The following PHF21B variants were observed in gnomAD, a reference collection of about 807,000 sequenced individuals.
PHF21B encodes PHD finger protein 4.
In PHF21B, 22 loss-of-function variants were observed where a neutral mutation model predicts 62.2. The observed-to-expected ratio is 0.35, with a 90% CI of 0.25 to 0.51. PHF21B has a LOEUF of 0.51. PHF21B is among the 20% of genes least tolerant of loss of function. PHF21B has a pLI of 0.97. For synonymous variants in PHF21B, 341 were observed against 314.7 expected, an observed-to-expected ratio of 1.08 and a Z score of -0.88; for missense variants, 701 against 707.9, an observed-to-expected ratio of 0.99 and a Z score of 0.11.
intron 2 of PHF21B, among the ~76,000 whole-genome samples, chr22:44,971,686 T>G (rs2072641391): frequency 6.6e-6 from 1 of 152,118 alleles, no homozygotes; most frequent in African/African-American, 2.4e-5. Flanking sequence ...CCACAAGCCA[T>G]CAAAACACAC....
chr22:44,972,688 C>T (rs2072662666), intron 2 of PHF21B, among the ~76,000 whole-genome samples: 1 of 152,230 alleles, frequency 6.6e-6, no homozygotes, highest in South Asian at 2.1e-4. Context: ...CTCACTCAGT[C>T]AGTCAACAAA....
At chr22:44,905,646 T>G (rs1423057644) in intron 5 of PHF21B, among the ~76,000 whole-genome samples, 3 of 152,172 alleles carry the variant, frequency 2.0e-5, no homozygotes, top group African/African-American at 7.2e-5. Context: ...TTTGTTTTTT[T>G]GATACGGAAT....
chr22:44,918,758 T>C (rs750622665), intron 3 of PHF21B, among the ~76,000 whole-genome samples: 32 of 152,116 alleles, frequency 2.1e-4, no homozygotes, highest in Non-Finnish European at 3.5e-4. Flanking sequence ...GGACAAAACA[T>C]GGAGACAGAG....
In PHF21B at chr22:44,920,463, C is replaced by G. The variant is rs145136857; in HGVS notation, c.148G>C (p.Val50Leu). 1.6e-5 allele frequency: 26 copies of G among 1,612,542 alleles called. No homozygotes were observed. The highest frequency in any genetic ancestry group is 2.2e-5 in the Non-Finnish European group (26 of 1,179,240). The stretch of plus-strand genomic sequence containing the variant: ...AAGGAGCTGACCTGAGGACCCGTGA[C>G]AGGCACTGCAGTGATCGTTCCCAAA... The part of the protein sequence containing the change: ...QALGTITAVP[V>L]TGPQVSSLQR... The change falls in exon 3 of 13, where the codon GTC becomes CTC. Residue 50 changes from valine (V) to leucine (L), a missense_variant. Transcript: ENST00000313237.
At chr22:44,887,137 C>T (rs1462293975) in intron 10 of PHF21B, among the ~76,000 whole-genome samples, 1 of 117,274 alleles carries the variant, frequency 8.5e-6, no homozygotes, top group Admixed American at 1.0e-4. Context: ...GCTTGGGCAA[C>T]AAGAGCGAAA....
At chr22:44,948,089 C>G (rs549998045) in intron 2 of PHF21B, among the ~76,000 whole-genome samples, 2 of 145,322 alleles carry the variant, frequency 1.4e-5, no homozygotes, top group Admixed American at 1.4e-4. Flanking sequence ...ACCTTTTTGG[C>G]ACAGAGACCA....
chr22:44,993,636 T>C (rs1045030397), intron 2 of PHF21B, among the ~76,000 whole-genome samples: 2 of 152,244 alleles, frequency 1.3e-5, no homozygotes, highest in Admixed American at 6.5e-5. Flanking sequence ...GCCTTCATTT[T>C]AGCCACTTCA....
At chr22:44,983,805 T>A (rs2072885352) in intron 2 of PHF21B, among the ~76,000 whole-genome samples, 1 of 152,128 alleles carries the variant, frequency 6.6e-6, no homozygotes, top group African/African-American at 2.4e-5. Flanking sequence ...TCCAGGGTAG[T>A]CCTCTGAATT....
intron 5 of PHF21B, among the ~76,000 whole-genome samples, chr22:44,906,476 G>A (rs1307394279): frequency 6.6e-6 from 1 of 152,248 alleles, no homozygotes; most frequent in Admixed American, 6.5e-5. Context: ...GAGGTGCGGG[G>A]CTGGGACCTT....
chr22:44,881,687 T>TGGCCGC lies in PHF21B; in HGVS notation c.*1393_*1398dup, dbSNP rs956744848. ...GTGTGTGCATGCGTGTCTGTGGTCG[T>TGGCCGC]GGCCGCGTGCGATGCACACACGCGT... On this transcript the variant is annotated 3_prime_UTR_variant, in exon 13 of 13. Coordinates refer to ENST00000313237, the MANE Select transcript of PHF21B (RefSeq NM_138415.5). 5.9e-5 allele frequency: 9 copies of TGGCCGC among 152,636 alleles called. No individual in the cohort carries two copies. The highest frequency in any genetic ancestry group is 2.2e-4 in the African/African-American group (9 of 41,454). The allele number at this position is 152,636 out of a possible 1,614,324, so 9.5% of individuals were successfully genotyped here.
chr22:44,925,840 G>A (rs530213050), intron 2 of PHF21B, among the ~76,000 whole-genome samples: 4 of 152,292 alleles, frequency 2.6e-5, no homozygotes, highest in South Asian at 4.1e-4. Flanking sequence ...AAAGCAAGGT[G>A]TGTGGAAGGC....
intron 2 of PHF21B, among the ~76,000 whole-genome samples, chr22:44,928,004 G>A (rs1398996559): frequency 6.6e-6 from 1 of 152,204 alleles, no homozygotes; most frequent in Non-Finnish European, 1.5e-5. Context: ...TCAGACACGG[G>A]GAGACAGCGG....
At chr22:44,991,351 G>A (rs752434760) in intron 2 of PHF21B, among the ~76,000 whole-genome samples, 2 of 152,128 alleles carry the variant, frequency 1.3e-5, no homozygotes, top group Non-Finnish European at 2.9e-5. Flanking sequence ...AAGGGGAAGG[G>A]ATTTCCGGTG....
intron 2 of PHF21B, among the ~76,000 whole-genome samples, chr22:44,986,188 G>A (rs1210081667): frequency 7.2e-6 from 1 of 138,654 alleles, no homozygotes; most frequent in East Asian, 2.2e-4. Flanking sequence ...CCCATCACCA[G>A]CAGCATCACC....
intron 4 of PHF21B, among the ~76,000 whole-genome samples, chr22:44,915,731 C>T (rs1212976950): frequency 2.6e-5 from 4 of 152,180 alleles, no homozygotes; most frequent in Non-Finnish European, 5.9e-5. Context: ...AGACAGGGGA[C>T]GGCAGAGATG....
At chr22:44,966,389 G>A (rs919841974) in intron 2 of PHF21B, among the ~76,000 whole-genome samples, 3 of 152,220 alleles carry the variant, frequency 2.0e-5, no homozygotes, top group African/African-American at 7.2e-5. Flanking sequence ...AAGCAGACAA[G>A]CTGGGCCCCC....
intron 2 of PHF21B, among the ~76,000 whole-genome samples, chr22:44,991,864 T>C (rs2073047480): frequency 6.6e-6 from 1 of 152,268 alleles, no homozygotes; most frequent in African/African-American, 2.4e-5. Context: ...TGAGAACTCT[T>C]GTCTTCACTT....
intron 6 of PHF21B, among the ~76,000 whole-genome samples, chr22:44,895,722 G>A (rs1352151085): frequency 2.6e-5 from 4 of 152,250 alleles, no homozygotes; most frequent in African/African-American, 9.6e-5. Flanking sequence ...AAACAAGGAA[G>A]TGCCACAGTG....
At chr22:44,904,735 A>G (rs2071219767) in intron 5 of PHF21B, among the ~76,000 whole-genome samples, 1 of 133,612 alleles carries the variant, frequency 7.5e-6, no homozygotes, top group Non-Finnish European at 1.6e-5. Flanking sequence ...GGGACTCCAG[A>G]GAGGGCCAAG....
Sources: gnomAD v4.1 joint callset for allele counts (sites outside exome capture counted in the v4.1 genomes callset) on GRCh38, gnomAD v4.1.1 for gene constraint, MANE v1.5 for transcripts, NCBI Gene and HGNC (gene_info 2026-07-23, HGNC 2026-07-21) for gene names.